RBFOX2: variants seen among roughly 807,000 people sequenced by gnomAD.
RBFOX2 encodes RNA binding protein fox-1 homolog 2.
Under a neutral mutation model 49.1 loss-of-function variants are expected in RBFOX2, and 10 were observed. The observed-to-expected ratio is 0.20, with a 90% CI of 0.13 to 0.35. The LOEUF (loss-of-function observed/expected upper bound fraction) is 0.35. RBFOX2 is among the 10% of genes least tolerant of loss of function. The pLI is 1.00. For synonymous variants in RBFOX2, 183 were observed against 187.4 expected, an observed-to-expected ratio of 0.98 and a Z score of 0.19; for missense variants, 323 against 486.9, an observed-to-expected ratio of 0.66 and a Z score of 3.17.
At chr22:35,757,602 T>C (rs1250996901) in intron 9 of RBFOX2, among the ~76,000 whole-genome samples, 1 of 152,204 alleles carries the variant, frequency 6.6e-6, no homozygotes, top group Non-Finnish European at 1.5e-5. Context: ...CTATTTCCAA[T>C]GACATTTGGT....
intron 1 of RBFOX2, among the ~76,000 whole-genome samples, chr22:35,828,930 A>G (rs1047591597): frequency 1.3e-5 from 2 of 152,160 alleles, no homozygotes; most frequent in Admixed American, 1.3e-4. Flanking sequence ...ACGCACCTGT[A>G]ATCCCAGCTA....
At chr22:35,814,218 A>G (rs1326678988) in intron 1 of RBFOX2, among the ~76,000 whole-genome samples, 1 of 152,162 alleles carries the variant, frequency 6.6e-6, no homozygotes, top group Non-Finnish European at 1.5e-5. Context: ...AATTGGTTCC[A>G]GGAACCTCCC....
chr22:35,808,300 C>G (rs568814422), intron 2 of RBFOX2, among the ~76,000 whole-genome samples: 1 of 151,760 alleles, frequency 6.6e-6, no homozygotes, highest in Non-Finnish European at 1.5e-5. Context: ...TCTATTGTAG[C>G]CAATTATTTC....
chr22:35,871,002 A>G (rs1603428425), intron 1 of RBFOX2, among the ~76,000 whole-genome samples: 1 of 152,168 alleles, frequency 6.6e-6, no homozygotes, highest in African/African-American at 2.4e-5. Flanking sequence ...ATTTAGTTCT[A>G]TACTTTTGAA....
intron 2 of RBFOX2, among the ~76,000 whole-genome samples, chr22:35,806,814 G>A (rs1031629842): frequency 7.2e-5 from 11 of 152,132 alleles, no homozygotes; most frequent in African/African-American, 1.2e-4. Flanking sequence ...CACTTTTTTC[G>A]GGGAGTGGGG....
chr22:35,940,392 A>C (rs1156272297), upstream of RBFOX2, among the ~76,000 whole-genome samples: 2 of 152,242 alleles, frequency 1.3e-5, no homozygotes, highest in Admixed American at 6.5e-5. Flanking sequence ...AACCACATTG[A>C]GATAAAACTC....
At chr22:36,003,385 A>G (rs2058502516) in intron 1 of RBFOX2, among the ~76,000 whole-genome samples, 1 of 152,218 alleles carries the variant, frequency 6.6e-6, no homozygotes, top group South Asian at 2.1e-4. Context: ...CCTGGTCCCT[A>G]TCTTAAGAAA....
At chr22:35,794,484 C>G (rs1948384920) in intron 2 of RBFOX2, among the ~76,000 whole-genome samples, 4 of 151,942 alleles carry the variant, frequency 2.6e-5, no homozygotes, top group Admixed American at 2.0e-4. Context: ...TGGTGAAACC[C>G]AGTCTCTACT....
At chr22:35,953,210 C>CAAAA (rs34387129) in intron 1 of RBFOX2, among the ~76,000 whole-genome samples, 10 of 22,398 alleles carry the variant, frequency 4.5e-4, no homozygotes, top group East Asian at 1.4e-3. Flanking sequence ...GACTCCATCT[C>CAAAA]AAAAAAAAAA....
At chr22:35,875,590 TAATA>T (rs1255006444) in intron 1 of RBFOX2, among the ~76,000 whole-genome samples, 2 of 146,774 alleles carry the variant, frequency 1.4e-5, no homozygotes, top group African/African-American at 2.5e-5. Flanking sequence ...AACTGCGAAT[TAATA>T]AATGCTCACA....
intron 1 of RBFOX2, among the ~76,000 whole-genome samples, chr22:35,850,498 T>C (rs1268602336): frequency 2.0e-5 from 3 of 152,070 alleles, no homozygotes; most frequent in Non-Finnish European, 2.9e-5. Flanking sequence ...CCTCCAGATA[T>C]GCAGGGTACA....
chr22:35,814,526 T>C lies in RBFOX2; in HGVS notation c.28-4522A>G, dbSNP rs150101145. Among the ~76,000 whole-genome samples the C allele has an allele frequency of 5.3e-3, 771 of 146,676 alleles. 7 individuals carry two copies. The highest frequency in any genetic ancestry group is 8.7e-3 in the Non-Finnish European group (579 of 66,676). On this transcript the variant is annotated intron_variant, in intron 1 of 11. Coordinates refer to ENST00000405409, the Ensembl canonical transcript of RBFOX2. ...GAGTTTGAGACCAACCTAGGCAACA[T>C]AGTGGGATCCTGTCTCCACAAAAAA... is the stretch of plus-strand genomic sequence containing the variant.
chr22:35,934,473 T>C (rs927397001), intron 1 of RBFOX2, among the ~76,000 whole-genome samples: 1 of 152,190 alleles, frequency 6.6e-6, no homozygotes, highest in Non-Finnish European at 1.5e-5. Flanking sequence ...CCAGTTTACC[T>C]GGGACTGTTT....
chr22:35,884,869 A>C (rs1020851449), intron 1 of RBFOX2, among the ~76,000 whole-genome samples: 2 of 152,156 alleles, frequency 1.3e-5, no homozygotes, highest in African/African-American at 2.4e-5. Context: ...TGCGCATTTG[A>C]ATCTTCCTTC....
At chr22:35,781,832 A>C in intron 2 of RBFOX2, 86 bp from the exon 4 acceptor site, 1 of 1,552,502 alleles carries the variant, frequency 6.4e-7, no homozygotes, top group Non-Finnish European at 8.7e-7. Flanking sequence ...ATCCCCAAAC[A>C]GGGTATGTTT....
chr22:35,904,742 C>T (rs900015036), intron 1 of RBFOX2, among the ~76,000 whole-genome samples: 2 of 152,190 alleles, frequency 1.3e-5, no homozygotes, highest in Non-Finnish European at 2.9e-5. Flanking sequence ...CCAGTTCAAG[C>T]TCTCCTCTAA....
At chr22:35,788,706 G>A (rs1230506212) in intron 2 of RBFOX2, among the ~76,000 whole-genome samples, 1 of 152,154 alleles carries the variant, frequency 6.6e-6, no homozygotes, top group Non-Finnish European at 1.5e-5. Context: ...CTTCTCTCTT[G>A]CAGCTTGTAG....
In RBFOX2 at chr22:35,846,926, T is replaced by G. The variant is rs537892495; in HGVS notation, c.-33-36922A>C. On this transcript the variant is annotated intron_variant, in intron 1 of 13. Transcript: ENST00000359369. Reference sequence around the variant, plus strand: ...TTCCTCCAACTGCCCCATTCACCACTTGGATGACAGGTTAAGTAAAAGTGC... The same window carrying G: ...TTCCTCCAACTGCCCCATTCACCACGTGGATGACAGGTTAAGTAAAAGTGC... 3.3e-5 allele frequency among the ~76,000 whole-genome samples: 5 copies of G among 152,264 alleles called. No homozygotes were observed. In the South Asian group the frequency reaches 1.0e-3, roughly 32 times the overall value.
chr22:35,987,054 G>T (rs770700558), intron 1 of RBFOX2, among the ~76,000 whole-genome samples: 1 of 151,542 alleles, frequency 6.6e-6, no homozygotes, highest in South Asian at 2.1e-4. Flanking sequence ...TGATAGGTTT[G>T]GTGTTTTATC....
Sources: gnomAD v4.1 joint callset for allele counts (sites outside exome capture counted in the v4.1 genomes callset) on GRCh38, gnomAD v4.1.1 for gene constraint, MANE v1.5 for transcripts, NCBI Gene and HGNC (gene_info 2026-07-23, HGNC 2026-07-21) for gene names.